Variants in RPS3A observed in about 807,000 individuals in gnomAD.
RPS3A encodes small ribosomal subunit protein eS1.
A neutral mutation model predicts 26.4 loss-of-function variants in RPS3A; 1 was observed. That is an observed-to-expected ratio of 0.04 (90% CI 0.01 to 0.18). RPS3A has a LOEUF of 0.18. Among genes scored for constraint, RPS3A ranks in the 10% least tolerant of loss-of-function variants. RPS3A has a pLI of 1.00. For missense variants in RPS3A, 139 were observed against 326.8 expected (o/e 0.43, Z 4.43); for synonymous variants, 97 against 106.1 (o/e 0.91, Z 0.53).
At chr4:151,101,414 TGCATA>T (rs1448618439) in intron 3 of RPS3A, among the ~76,000 whole-genome samples, 4 of 152,222 alleles carry the variant, frequency 2.6e-5, no homozygotes, top group African/African-American at 9.6e-5. Context: ...ATTTTCTTGC[TGCATA>T]GATTAGTGGT....
intron 4 of RPS3A, chr4:151,103,341 C>A: frequency 1.6e-6 from 1 of 626,856 alleles, no homozygotes; most frequent in Non-Finnish European, 2.2e-6. Flanking sequence ...GTAACCACTG[C>A]TTCCTGGGTT....
chr4:151,100,134 G>C (rs1394755411), intron 1 of RPS3A, among the ~76,000 whole-genome samples: 1 of 152,240 alleles, frequency 6.6e-6, no homozygotes. Context: ...GGGCCATGCA[G>C]TCTCTTAGTT....
chr4:151,100,358 G>A, intron 1 of RPS3A, 127 bp from the exon 2 acceptor site: 5 of 616,756 alleles, frequency 8.1e-6, no homozygotes, highest in Non-Finnish European at 1.2e-5. Context: ...TCACCTCACT[G>A]TGAGATATAC....
rs1196964727 is a variant in RPS3A at position 151,104,556 on chromosome 4, C to T, written c.758C>T (p.Ala253Val). Residue 253 changes from alanine to valine, a missense_variant, in exon 6 of 6, where the codon GCT becomes GTT. Transcript: ENST00000274065. The stretch of plus-strand genomic sequence containing the variant: ...GAGACAGGTGCTAAAGTTGAACGAG[C>T]TGATGGATATGAACCACCAGTCCAA... ...GDETGAKVER[A>V]DGYEPPVQES... 1 of 1,565,790 alleles carries T rather than the reference C, an allele frequency of 6.4e-7. No homozygotes were observed. The highest frequency in any genetic ancestry group is 1.2e-5 in the South Asian group (1 of 86,056).
intron 1 of RPS3A, 146 bp downstream of exon 1, chr4:151,099,860 C>T (rs958550726): frequency 6.6e-5 from 53 of 797,802 alleles, no homozygotes; most frequent in African/African-American, 4.2e-4. Flanking sequence ...GGAACGCGGC[C>T]TGGAGGGTCG....
At chr4:151,099,917 C>T (rs549517973) in intron 1 of RPS3A, 29 of 601,480 alleles carry the variant, frequency 4.8e-5, no homozygotes, top group Middle Eastern at 2.7e-4. Context: ...CCTTCTGGTC[C>T]TTGCGCGCGT....
chr4:151,104,439 GTTTTTTTT>G, intron 5 of RPS3A, 25 bp from the exon 6 acceptor site: 59 of 710,300 alleles, frequency 8.3e-5, no homozygotes, highest in Admixed American at 8.3e-5. Flanking sequence ...CAGTTTTTTG[GTTTTTTTT>G]TTTTTTTTTT....
At chr4:151,099,848 C>A in intron 1 of RPS3A, 134 bp downstream of exon 1, 1 of 980,158 alleles carries the variant, frequency 1.0e-6, no homozygotes, top group Non-Finnish European at 1.6e-6. Flanking sequence ...TTGGTGCACC[C>A]AGGAACGCGG....
intron 3 of RPS3A, chr4:151,102,096 T>A (rs1180450644): frequency 3.9e-6 from 2 of 518,074 alleles, no homozygotes; most frequent in Admixed American, 3.9e-5. Context: ...AAATGATACA[T>A]ACTGATTATA....
chr4:151,101,924 G>C (rs185347751), intron 3 of RPS3A: 351 of 366,224 alleles, frequency 9.6e-4, no homozygotes, highest in African/African-American at 7.3e-3. Context: ...GTAGAGACAG[G>C]GTTTCACCAT....
At chr4:151,100,703 T>C (rs1308034774) in intron 2 of RPS3A, 115 bp downstream of exon 2, 1 of 696,844 alleles carries the variant, frequency 1.4e-6, no homozygotes, top group East Asian at 2.7e-5. Context: ...ATGTCAGCTC[T>C]TGGTTGCAGC....
intron 3 of RPS3A, among the ~76,000 whole-genome samples, chr4:151,102,574 T>A (rs900752947): frequency 6.6e-5 from 10 of 152,118 alleles, no homozygotes; most frequent in Admixed American, 6.6e-4. Flanking sequence ...AAGGGGTATA[T>A]GTATATGCAA....
chr4:151,099,686 G>A lies in RPS3A; in HGVS notation c.34G>A (p.Gly12Ser), dbSNP rs889970160. The stretch of plus-strand genomic sequence containing the variant: ...TGGCAAGAACAAGCGCCTTACGAAA[G>A]GCGGCAAAAAGGGAGCCAAGAAGAA... ...AVGKNKRLTKGGKKGAKKKVV... is the reference protein window; with the variant it reads ...AVGKNKRLTKSGKKGAKKKVV... The change falls in exon 1 of 6, where the codon GGC becomes AGC. Residue 12 changes from glycine to serine, a missense_variant. Gly to Ser is a moderately conservative substitution (Grantham distance 56, BLOSUM62 0). Coordinates refer to ENST00000274065, the MANE Select transcript of RPS3A (RefSeq NM_001006.5). 1.1e-5 allele frequency: 18 copies of A among 1,613,842 alleles called. No individual in the cohort carries two copies. The highest frequency in any genetic ancestry group is 1.5e-5 in the Non-Finnish European group (18 of 1,179,928).
intron 4 of RPS3A, chr4:151,103,871 T>G (rs780270925): frequency 2.8e-6 from 4 of 1,424,130 alleles, no homozygotes; most frequent in Admixed American, 1.8e-5. Context: ...TGGCCAGTGA[T>G]AACAACATTT....
rs561428871 is a variant in RPS3A at position 151,100,921 on chromosome 4, G to T, written c.167-54G>T. ...ATTTCTACCCTCAGTTTACAGGCTT[G>T]ACTTTGCTTATATGGTTCCTAAATG... On this transcript the variant is annotated intron_variant, in intron 2 of 5. Coordinates refer to ENST00000274065, the MANE Select transcript of RPS3A (RefSeq NM_001006.5). 4.3e-4 allele frequency: 557 copies of T among 1,290,934 alleles called. 1 individual carries two copies. The African/African-American group carries it at 7.7e-3, about 18-fold the overall frequency. 80.0% of individuals were successfully genotyped at this position (1,290,934 alleles called of 1,614,324 possible). A position where few individuals can be genotyped will look rare whatever the true frequency, so the allele number is the denominator to read the frequency against.
At chr4:151,101,990 C>T (rs1045150574) in intron 3 of RPS3A, 4 of 497,056 alleles carry the variant, frequency 8.0e-6, no homozygotes, top group African/African-American at 4.0e-5. Flanking sequence ...GCCTCAGCCT[C>T]TCAAAGTGCT....
chr4:151,101,625 G>T (rs746342454), intron 3 of RPS3A, among the ~76,000 whole-genome samples: 2 of 152,042 alleles, frequency 1.3e-5, no homozygotes, highest in Non-Finnish European at 2.9e-5. Context: ...TCTAAGCCTC[G>T]GTTTCTTTAT....
At chr4:151,104,360 A>G (rs1247379605) in intron 5 of RPS3A, 74 bp downstream of exon 5, 10 of 1,527,040 alleles carry the variant, frequency 6.5e-6, no homozygotes, top group Non-Finnish European at 8.8e-6. Context: ...GTGGGGCCAT[A>G]TCATGGCCTT....
chr4:151,102,665 C>T (rs545652774), intron 3 of RPS3A: 97 of 574,592 alleles, frequency 1.7e-4, no homozygotes, highest in Non-Finnish European at 2.3e-4. Flanking sequence ...GTTGAGAGGA[C>T]CTGGTTATTT....
Sources: gnomAD v4.1 joint callset for allele counts (sites outside exome capture counted in the v4.1 genomes callset) on GRCh38, gnomAD v4.1.1 for gene constraint, MANE v1.5 for transcripts, NCBI Gene and HGNC (gene_info 2026-07-23, HGNC 2026-07-21) for gene names.